AKAP11: variants seen among roughly 807,000 people sequenced by gnomAD.
The protein encoded by AKAP11 is A-kinase anchor protein 11.
A neutral mutation model predicts 146.1 loss-of-function variants in AKAP11; 36 were observed. The observed-to-expected ratio is 0.25, with a 90% CI of 0.19 to 0.33. The LOEUF (loss-of-function observed/expected upper bound fraction) is 0.33. Among genes scored for constraint, AKAP11 ranks in the 10% least tolerant of loss-of-function variants. The pLI is 1.00. For synonymous variants in AKAP11, 780 were observed against 786.5 expected (o/e 0.99, Z 0.14); for missense variants, 2,201 against 2,197.0 (o/e 1.00, Z -0.04).
chr13:42,310,266 C>G (rs888815762), intron 9 of AKAP11, among the ~76,000 whole-genome samples: 3 of 152,072 alleles, frequency 2.0e-5, no homozygotes, highest in Non-Finnish European at 4.4e-5. Context: ...TGTAATGCTG[C>G]GTGGCATTAA....
chr13:42,271,994 C>A (rs1038569190), upstream of AKAP11, among the ~76,000 whole-genome samples: 1 of 150,862 alleles, frequency 6.6e-6, no homozygotes, highest in African/African-American at 2.4e-5. Context: ...AGGCGCGCTG[C>A]CCTCTCGCGA....
intron 8 of AKAP11, among the ~76,000 whole-genome samples, chr13:42,304,844 G>A (rs140576854): frequency 3.3e-5 from 5 of 151,766 alleles, no homozygotes; most frequent in Non-Finnish European, 7.4e-5. Flanking sequence ...TTTGCCTCCC[G>A]GGTTCAAGCG....
In AKAP11 at chr13:42,301,410, A is replaced by C. The variant is rs199621082; in HGVS notation, c.2664A>C (p.Leu888Phe). 1.2e-6 allele frequency: 2 copies of C among 1,613,686 alleles called. No homozygotes were observed. The highest frequency in any genetic ancestry group is 2.2e-5 in the South Asian group (2 of 90,938). Residue 888 changes from leucine (L) to phenylalanine (F), a missense_variant, in exon 8 of 13, where the codon TTA (leucine) becomes TTC (phenylalanine). This residue lies in a region of AKAP11 where 1,867 missense variants were observed against 1,833.5 expected (regional missense o/e 1.02). Coordinates refer to ENST00000025301, the MANE Select transcript of AKAP11 (RefSeq NM_016248.4). ...TGCATACGATAGTAAATGAAACTTT[A>C]GAGTCAATGACATCATTGGAAGTTA... ...AVVHTIVNET[L>F]ESMTSLEVTK...
At chr13:42,287,884 C>T (rs1369869564) in intron 3 of AKAP11, among the ~76,000 whole-genome samples, 2 of 152,124 alleles carry the variant, frequency 1.3e-5, no homozygotes, top group African/African-American at 4.8e-5. Flanking sequence ...CATACATTGC[C>T]AGAGATTCAG....
rs1008769650 is a variant in AKAP11, at chr13:42,321,853, A to C, written c.*2625A>C. The C allele has an allele frequency of 6.6e-6, 1 of 152,438 alleles. No individual in the cohort carries two copies. Among genetic ancestry groups the C allele is most frequent in the East Asian group, 1.9e-4 (1 of 5,328 alleles). The allele number at this position is 152,438 out of a possible 1,614,324, so 9.4% of individuals were successfully genotyped here. On this transcript the variant is annotated 3_prime_UTR_variant, in exon 13 of 13. Transcript: ENST00000025301. ...CAGAACTGTTAAAGTTTTGATGTAC[A>C]TCGAGCTGAATTCTGTTTTTACCAG...
Position 42,303,082 on chromosome 13 carries a change from C to T in AKAP11, c.4336C>T (p.Pro1446Ser), listed in dbSNP as rs866888242. Residue 1446 changes from proline (P) to serine (S), a missense_variant, in exon 8 of 13, where the codon CCA (proline) becomes TCA (serine). By Grantham distance (74) the Pro-to-Ser change is moderately conservative (BLOSUM62 -1). This residue lies in a region of AKAP11 where 1,867 missense variants were observed against 1,833.5 expected (regional missense o/e 1.02). Coordinates refer to ENST00000025301, the MANE Select transcript of AKAP11 (RefSeq NM_016248.4). ...KNQTCERTLD[P>S]YRNEVSQLYS... is the part of the protein sequence containing the mutation. ...TCAAACTTGTGAAAGGACCCTGGAT[C>T]CATATAGAAATGAGGTCTCCCAACT... 6.2e-7 allele frequency: 1 copy of T among 1,613,478 alleles called. No individual in the cohort carries two copies. Among genetic ancestry groups the T allele is most frequent in the Non-Finnish European group, 8.5e-7 (1 of 1,179,936 alleles).
rs1317183065 is a variant in AKAP11, at chr13:42,303,162, G to A, written c.4416G>A (p.Glu1472=). Reference sequence around the variant, plus strand: ...GCATAACAAAAGATGCTAAGGAAGAGTTGACAGCCTCTCTAGTTGGCCTAC... The same window carrying A: ...GCATAACAAAAGATGCTAAGGAAGAATTGACAGCCTCTCTAGTTGGCCTAC... ...VHSITKDAKE[E]LTASLVGLPK... Residue 1472 remains glutamate (E), a synonymous_variant, in exon 8 of 13, where the codon GAG becomes GAA. Coordinates refer to ENST00000025301, the MANE Select transcript of AKAP11 (RefSeq NM_016248.4). The A allele has an allele frequency of 6.2e-7, 1 of 1,614,192 alleles. No individual in the cohort carries two copies. The highest frequency in any genetic ancestry group is 8.5e-7 in the Non-Finnish European group (1 of 1,180,032).
intron 8 of AKAP11, among the ~76,000 whole-genome samples, chr13:42,307,249 TGGG>T (rs1355091814): frequency 3.3e-5 from 5 of 151,802 alleles, no homozygotes; most frequent in Non-Finnish European, 5.9e-5. Flanking sequence ...GCTGAAAAAA[TGGG>T]GGGCAATTCA....
rs570792099 is a variant in AKAP11 at position 42,292,925 on chromosome 13, G to A, written c.168+424G>A. On this transcript the variant is annotated intron_variant, in intron 4 of 12. Transcript: ENST00000025301. ...TGCTTTGATTAAAAATGAAAAAGTA[G>A]TGATAAATTTATCTTTGAAATTAAG... is the stretch of plus-strand genomic sequence containing the variant. Among the ~76,000 whole-genome samples, 43 of 152,236 alleles carry A rather than the reference G, an allele frequency of 2.8e-4. No individual in the cohort carries two copies. The South Asian group carries it at 8.5e-3, about 30-fold the overall frequency.
intron 5 of AKAP11, among the ~76,000 whole-genome samples, chr13:42,296,843 A>G (rs1448726138): frequency 2.6e-5 from 4 of 152,022 alleles, no homozygotes; most frequent in Non-Finnish European, 5.9e-5. Context: ...CTACGGGGAT[A>G]GCCAGTATTT....
intron 8 of AKAP11, among the ~76,000 whole-genome samples, chr13:42,304,268 T>G (rs1482954405): frequency 6.6e-6 from 1 of 152,208 alleles, no homozygotes; most frequent in African/African-American, 2.4e-5. Flanking sequence ...ATTCGTAAGT[T>G]TTAAGTTGCA....
intron 3 of AKAP11, among the ~76,000 whole-genome samples, chr13:42,291,424 T>C (rs1158002733): frequency 2.0e-5 from 3 of 152,140 alleles, no homozygotes. Flanking sequence ...GGCTAATTTG[T>C]GTATTTTTAG....
In AKAP11 at chr13:42,302,476, A is replaced by G. The variant is rs1194349717; in HGVS notation, c.3730A>G (p.Thr1244Ala). 6.2e-7 allele frequency: 1 copy of G among 1,614,072 alleles called. No homozygotes were observed. Among genetic ancestry groups the G allele is most frequent in the Non-Finnish European group, 8.5e-7 (1 of 1,180,026 alleles). The part of the protein sequence containing the change: ...NVQSQRSVSP[T>A]FLNPSDENLK... ...GCAAAGTCAAAGAAGTGTGTCGCCTACTTTTTTAAACCCCTCAGACGAAAA... is the reference window on the plus strand; with the variant it reads ...GCAAAGTCAAAGAAGTGTGTCGCCTGCTTTTTTAAACCCCTCAGACGAAAA... Residue 1244 changes from threonine to alanine, a missense_variant, in exon 8 of 13, where the codon ACT becomes GCT. Thr to Ala is a moderately conservative substitution (Grantham distance 58). Around this residue, in one of 3 missense-constraint regions of AKAP11, gnomAD observed 1,867 missense variants for 1,833.5 expected, o/e 1.02. Coordinates refer to ENST00000025301, the MANE Select transcript of AKAP11 (RefSeq NM_016248.4).
At chr13:42,310,987 A>G (rs1178131792) in intron 9 of AKAP11, among the ~76,000 whole-genome samples, 1 of 151,778 alleles carries the variant, frequency 6.6e-6, no homozygotes, top group East Asian at 1.9e-4. Flanking sequence ...TAGGAGGATT[A>G]TATAATTATT....
At chr13:42,281,020 A>G (rs1332062786) in intron 1 of AKAP11, among the ~76,000 whole-genome samples, 1 of 152,232 alleles carries the variant, frequency 6.6e-6, no homozygotes, top group Non-Finnish European at 1.5e-5. Context: ...CCTTTTGAAC[A>G]TACAAATTTT....
At position 42,273,083 on chromosome 13, in the gene AKAP11, TA is replaced by T. The variant is rs1441719956; in HGVS notation, c.-100+857del. ...GAGAAAGACTGCTGAGATACATACC[TA>T]ATAGCTTTAGTACAAACTGGAGTTA... On this transcript the variant is annotated intron_variant, in intron 1 of 12. Coordinates refer to ENST00000025301, the MANE Select transcript of AKAP11 (RefSeq NM_016248.4). 3.9e-5 allele frequency among the ~76,000 whole-genome samples: 6 copies of T among 152,360 alleles called. No homozygotes were observed. The South Asian group carries it at 1.2e-3, about 32-fold the overall frequency.
Position 42,295,562 on chromosome 13 carries a change from T to C in AKAP11, c.169-133T>C, listed in dbSNP as rs78536107. The C allele has an allele frequency of 5.2e-3, 4,262 of 812,292 alleles. 82 individuals carry two copies. The highest frequency in any genetic ancestry group is 0.04 in the East Asian group (1,496 of 37,564). The allele number at this position is 812,292 out of a possible 1,614,324, so 50.3% of individuals were successfully genotyped here. A position where few individuals can be genotyped will look rare whatever the true frequency, so the allele number is the denominator to read the frequency against. The stretch of plus-strand genomic sequence containing the variant: ...TTTGGTGAAAAATATTTTTGGGTCA[T>C]CTTTGAAAAAAATCCTTTTCAAGCA... On this transcript the variant is annotated intron_variant, in intron 4 of 12. Transcript: ENST00000025301.
At chr13:42,290,685 C>T (rs1359977528) in intron 3 of AKAP11, among the ~76,000 whole-genome samples, 1 of 152,018 alleles carries the variant, frequency 6.6e-6, no homozygotes, top group African/African-American at 2.4e-5. Context: ...AATTCATTAC[C>T]ATTTTCATTC....
chr13:42,310,499 T>C (rs115620035), intron 9 of AKAP11, among the ~76,000 whole-genome samples: 2 of 152,320 alleles, frequency 1.3e-5, no homozygotes, highest in African/African-American at 4.8e-5. Context: ...CATCTGTTGA[T>C]GACAATTGAT....
Sources: gnomAD v4.1 joint callset for allele counts (sites outside exome capture counted in the v4.1 genomes callset) on GRCh38, gnomAD v4.1.1 for gene constraint, gnomAD v4.1.1 regional missense constraint, MANE v1.5 for transcripts, NCBI Gene and HGNC (gene_info 2026-07-23, HGNC 2026-07-21) for gene names.